The following TXNRD1 variants were observed in gnomAD, a reference collection of about 807,000 sequenced individuals.
TXNRD1 encodes thioredoxin reductase 1, cytoplasmic.
A neutral mutation model predicts 80.3 loss-of-function variants in TXNRD1; 57 were observed. That is an observed-to-expected ratio of 0.71 (90% CI 0.57 to 0.89). The LOEUF (loss-of-function observed/expected upper bound fraction) is 0.89. Ranked by LOEUF, TXNRD1 falls within the 40% of genes least tolerant of loss-of-function variation. The pLI is 0.00. For synonymous variants in TXNRD1, 291 were observed against 285.2 expected (o/e 1.02, Z -0.20); for missense variants, 730 against 803.0 (o/e 0.91, Z 1.10).
intron 4 of TXNRD1, chr12:104,304,205 C>A: frequency 6.2e-7 from 1 of 1,614,028 alleles, no homozygotes; most frequent in African/African-American, 1.3e-5. Flanking sequence ...CCTCGACGCC[C>A]GGTTTCTTGT....
At chr12:104,327,377 T>G in intron 12 of TXNRD1, 138 bp from the exon 13 acceptor site, 1 of 754,008 alleles carries the variant, frequency 1.3e-6, no homozygotes, top group Non-Finnish European at 2.0e-6. Flanking sequence ...TTGAGCTGTT[T>G]TGTTTTATTT....
chr12:104,303,769 C>T, intron 4 of TXNRD1: 7 of 1,200,176 alleles, frequency 5.8e-6, no homozygotes, highest in Non-Finnish European at 7.8e-6. Context: ...CTAACTGCCG[C>T]CACTTTCCAC....
At chr12:104,346,850 T>C (rs1352058437) in intron 16 of TXNRD1, among the ~76,000 whole-genome samples, 1 of 152,164 alleles carries the variant, frequency 6.6e-6, no homozygotes, top group Non-Finnish European at 1.5e-5. Context: ...ATCTAAGCAC[T>C]TTGGGAGGCC....
chr12:104,304,794 A>G (rs2034821532), intron 4 of TXNRD1: 3 of 1,614,004 alleles, frequency 1.9e-6, no homozygotes, highest in South Asian at 1.1e-5. Flanking sequence ...GAGCCGATGA[A>G]TGTTAACCAA....
chr12:104,289,166 CGA>C, intron 4 of TXNRD1, 126 bp downstream of exon 4: 1 of 1,143,778 alleles, frequency 8.7e-7, no homozygotes, highest in Non-Finnish European at 1.2e-6. Context: ...TGGGAAATGA[CGA>C]AAAACGCTCG....
rs779112900 is a variant in TXNRD1 at position 104,339,122 on chromosome 12, A to T, written c.1747-17A>T. On this transcript the variant is annotated splice_polypyrimidine_tract_variant and intron_variant, in intron 15 of 16. Transcript: ENST00000525566. ...AAAATCAGCTTAATTGCATTATTGT[A>T]TTTTTTTTTGCCTTAGGAACGTGTT... is the stretch of plus-strand genomic sequence containing the variant. The T allele has an allele frequency of 3.8e-6, 6 of 1,559,516 alleles. No individual in the cohort carries two copies. The Admixed American group carries it at 1.0e-4, about 27-fold the overall frequency.
intron 1 of TXNRD1, among the ~76,000 whole-genome samples, chr12:104,235,222 A>G (rs1386869219): frequency 2.0e-5 from 3 of 152,122 alleles, no homozygotes; most frequent in African/African-American, 7.2e-5. Flanking sequence ...TCCGATCCCC[A>G]TTGGTTGGGG....
Position 104,232,965 on chromosome 12 carries a change from A to G in TXNRD1, c.91+17072A>G, listed in dbSNP as rs192141243. Among the ~76,000 whole-genome samples the G allele has an allele frequency of 3.3e-4, 51 of 152,282 alleles. 2 individuals carry two copies. In the East Asian group the frequency reaches 9.1e-3, roughly 27 times the overall value. ...TCTAGACTGATCCTGATTGGCTAAA[A>G]ACTTAAAACTTTCCTAAATAGGTAA... is the stretch of plus-strand genomic sequence containing the variant. On this transcript the variant is annotated intron_variant, in intron 1 of 16. Coordinates refer to ENST00000525566, the MANE Select transcript of TXNRD1 (RefSeq NM_001093771.3).
intron 4 of TXNRD1, among the ~76,000 whole-genome samples, chr12:104,292,864 C>T (rs1016573293): frequency 2.0e-5 from 3 of 152,152 alleles, no homozygotes; most frequent in Admixed American, 6.5e-5. Flanking sequence ...ATACCCAAAA[C>T]ATATTTGTTA....
intron 15 of TXNRD1, 94 bp downstream of exon 15, chr12:104,334,426 A>G: frequency 1.5e-6 from 1 of 658,186 alleles, no homozygotes; most frequent in Non-Finnish European, 2.2e-6. Context: ...TCTGTTGCCC[A>G]GGCTGGAGTG....
intron 3 of TXNRD1, chr12:104,265,738 C>T: frequency 3.8e-6 from 6 of 1,597,082 alleles, no homozygotes; most frequent in Non-Finnish European, 4.2e-6. Context: ...GGCTGTCAAG[C>T]AGTTCCACGA....
intron 7 of TXNRD1, among the ~76,000 whole-genome samples, chr12:104,316,526 A>G (rs2035333792): frequency 6.6e-6 from 1 of 152,122 alleles, no homozygotes; most frequent in Non-Finnish European, 1.5e-5. Flanking sequence ...AGTAGCTGGG[A>G]TTACGGGCGC....
rs939219503 is a variant in TXNRD1, at chr12:104,299,966, A to G, written c.414+10926A>G. Among the ~76,000 whole-genome samples the G allele has an allele frequency of 5.3e-5, 8 of 152,316 alleles. 1 individual carries two copies. Among genetic ancestry groups the G allele is most frequent in the African/African-American group, 1.7e-4 (7 of 41,580 alleles). ...GGGAGGTAGCTATTAGGATAAGTGTATATGTTAGAGTGTGGGACTCAAACC... is the reference window on the plus strand; with the variant it reads ...GGGAGGTAGCTATTAGGATAAGTGTGTATGTTAGAGTGTGGGACTCAAACC... On this transcript the variant is annotated intron_variant, in intron 4 of 16. Transcript: ENST00000525566.
chr12:104,327,563 C>T lies in TXNRD1; in HGVS notation c.1434C>T (p.Tyr478=), dbSNP rs2035807665. The part of the protein sequence containing the change: ...VTDEEQTNVP[Y]IYAIGDILED... Reference sequence around the variant, plus strand: ...ATGAAGAACAGACCAATGTGCCTTACATCTATGCCATTGGCGATATATTGG... The same window carrying T: ...ATGAAGAACAGACCAATGTGCCTTATATCTATGCCATTGGCGATATATTGG... Residue 478 remains tyrosine, a synonymous_variant, in exon 13 of 17, where the codon TAC becomes TAT. Coordinates refer to ENST00000525566, the MANE Select transcript of TXNRD1 (RefSeq NM_001093771.3). The T allele has an allele frequency of 6.2e-7, 1 of 1,613,656 alleles. No homozygotes were observed. Among genetic ancestry groups the T allele is most frequent in the Non-Finnish European group, 8.5e-7 (1 of 1,179,800 alleles).
chr12:104,334,172 A>C (rs1309392373), intron 14 of TXNRD1, 65 bp from the exon 15 acceptor site: 1 of 702,054 alleles, frequency 1.4e-6, no homozygotes, highest in Non-Finnish European at 2.2e-6. Flanking sequence ...GTCTTTCACC[A>C]TATATGTTTG....
chr12:104,270,590 A>G (rs1232600897), intron 3 of TXNRD1, among the ~76,000 whole-genome samples: 1 of 152,190 alleles, frequency 6.6e-6, no homozygotes, highest in African/African-American at 2.4e-5. Flanking sequence ...TAAGGGCCCT[A>G]GGATTTTCAT....
rs201375003 is a variant in TXNRD1 at position 104,289,370 on chromosome 12, TGTTA to T, written c.414+334_414+337del. The T allele has an allele frequency of 8.6e-3, 1,815 of 212,146 alleles. 35 individuals are homozygous for T. Among genetic ancestry groups the T allele is most frequent in the African/African-American group, 0.039 (1,710 of 43,634 alleles). 13.1% of individuals were successfully genotyped at this position (212,146 alleles called of 1,614,324 possible). On this transcript the variant is annotated intron_variant, in intron 4 of 16. Coordinates refer to ENST00000525566, the MANE Select transcript of TXNRD1 (RefSeq NM_001093771.3). ...TTTAGCAGCAATGTAATCTGCTAAA[TGTTA>T]GTTGTTTAGGGAAGTCCTGAGAAAA...
At chr12:104,339,375 G>T in intron 16 of TXNRD1, 102 bp downstream of exon 16, 2 of 1,511,082 alleles carry the variant, frequency 1.3e-6, no homozygotes, top group Non-Finnish European at 1.8e-6. Context: ...TGAGTTTGAT[G>T]ATGATTCCTC....
chr12:104,220,926 A>G (rs1003051453), intron 1 of TXNRD1, among the ~76,000 whole-genome samples: 2 of 152,174 alleles, frequency 1.3e-5, no homozygotes, highest in African/African-American at 4.8e-5. Context: ...ACTAGTCTAC[A>G]TGTATATAAC....
Sources: gnomAD v4.1 joint callset for allele counts (sites outside exome capture counted in the v4.1 genomes callset) on GRCh38, gnomAD v4.1.1 for gene constraint, MANE v1.5 for transcripts, NCBI Gene and HGNC (gene_info 2026-07-23, HGNC 2026-07-21) for gene names.